CSNK2A2IP: variants seen among roughly 807,000 people sequenced by gnomAD.
The protein encoded by CSNK2A2IP is casein kinase 2 subunit alpha' interacting protein, also known as casein kinase II subunit alpha'-interacting protein.
chr3:88,353,159 C>A, the CSNK2A2IP span, among the ~76,000 whole-genome samples: 20 of 152,214 alleles, frequency 1.3e-4, no homozygotes, highest in Middle Eastern at 3.4e-3. Context: ...TTCAACTCCC[C>A]CAACTTCCCC....
the CSNK2A2IP span, among the ~76,000 whole-genome samples, chr3:88,362,760 C>G: frequency 6.6e-6 from 1 of 152,292 alleles, no homozygotes; most frequent in South Asian, 2.1e-4. Flanking sequence ...TGTTCAGGAG[C>G]AAAGGCCTGG....
chr3:88,358,782 G>A, the CSNK2A2IP span, among the ~76,000 whole-genome samples: 1 of 152,052 alleles, frequency 6.6e-6, no homozygotes, highest in South Asian at 2.1e-4. Context: ...CAGAAATACT[G>A]GCCAGCAGTT....
At chr3:88,377,949 A>T in the CSNK2A2IP span, among the ~76,000 whole-genome samples, 1 of 151,936 alleles carries the variant, frequency 6.6e-6, no homozygotes, top group Non-Finnish European at 1.5e-5. Context: ...GATATAACAG[A>T]TTTTATGTGC....
the CSNK2A2IP span, among the ~76,000 whole-genome samples, chr3:88,429,577 T>C: frequency 1.1e-4 from 6 of 55,454 alleles, no homozygotes; most frequent in Non-Finnish European, 3.2e-4. Flanking sequence ...TAGCTGGCTC[T>C]CTGAACGAGG....
the CSNK2A2IP span, among the ~76,000 whole-genome samples, chr3:88,401,518 C>G: frequency 2.6e-5 from 4 of 151,944 alleles, no homozygotes; most frequent in Non-Finnish European, 5.9e-5. Flanking sequence ...CTAAGATACC[C>G]CTTGCAGAAA....
At chr3:88,340,539 C>G in the CSNK2A2IP span, among the ~76,000 whole-genome samples, 4 of 151,920 alleles carry the variant, frequency 2.6e-5, no homozygotes, top group Non-Finnish European at 5.9e-5. Flanking sequence ...TCATTGTGTT[C>G]TTCTAAGATA....
At chr3:88,362,290 C>A in the CSNK2A2IP span, among the ~76,000 whole-genome samples, 1 of 152,142 alleles carries the variant, frequency 6.6e-6, no homozygotes, top group Non-Finnish European at 1.5e-5. Flanking sequence ...ATTACCTAAA[C>A]CCTTGCTCAC....
the CSNK2A2IP span, among the ~76,000 whole-genome samples, chr3:88,437,095 C>T: frequency 6.6e-6 from 1 of 152,048 alleles, no homozygotes; most frequent in Non-Finnish European, 1.5e-5. Flanking sequence ...CTATTAATTA[C>T]AGAAAAAAAT....
chr3:88,369,347 C>T, the CSNK2A2IP span, among the ~76,000 whole-genome samples: 4 of 151,572 alleles, frequency 2.6e-5, no homozygotes, highest in Non-Finnish European at 5.9e-5. Context: ...GTGACAAATT[C>T]AGACTATTTT....
the CSNK2A2IP span, among the ~76,000 whole-genome samples, chr3:88,370,610 CTCTTTCTTTCTT>C: frequency 4.7e-5 from 7 of 148,034 alleles, no homozygotes; most frequent in South Asian, 1.5e-3. Flanking sequence ...CTCTCTCTCT[CTCTTTCTTTCTT>C]TCTTTCTTTC....
chr3:88,414,160 G>A, the CSNK2A2IP span, among the ~76,000 whole-genome samples: 39 of 142,148 alleles, frequency 2.7e-4, no homozygotes, highest in Admixed American at 6.4e-4. Context: ...CTTTACAAAC[G>A]TTATTTGTAA....
chr3:88,449,707 C>T, the CSNK2A2IP span, among the ~76,000 whole-genome samples: 2 of 148,490 alleles, frequency 1.3e-5, no homozygotes, highest in African/African-American at 5.0e-5. Flanking sequence ...ATGAAATCAA[C>T]CACACTCCAC....
the CSNK2A2IP span, among the ~76,000 whole-genome samples, chr3:88,370,108 GA>G: frequency 0.012 from 1,789 of 151,890 alleles, 32 homozygotes; most frequent in African/African-American, 0.041. Context: ...GCAATCCTAT[GA>G]AGAAGAAAGG....
the CSNK2A2IP span, among the ~76,000 whole-genome samples, chr3:88,346,520 T>C: frequency 2.0e-5 from 3 of 151,974 alleles, no homozygotes; most frequent in Admixed American, 1.3e-4. Flanking sequence ...TCAAAAATTG[T>C]AGAGCCCTTA....
At chr3:88,382,908 A>C in the CSNK2A2IP span, 1 of 152,214 alleles carries the variant, frequency 6.6e-6, no homozygotes, top group African/African-American at 2.4e-5. Context: ...TCTGAGCTTC[A>C]ATTTTCTATT....
chr3:88,371,298 AAAGATAGAAGGGAAAT>A, the CSNK2A2IP span, among the ~76,000 whole-genome samples: 2 of 151,884 alleles, frequency 1.3e-5, no homozygotes, highest in African/African-American at 4.8e-5. Flanking sequence ...AAATACGTTC[AAAGATAGAAGGGAAAT>A]GAGTTATTGC....
At chr3:88,369,942 A>G in the CSNK2A2IP span, among the ~76,000 whole-genome samples, 1 of 151,924 alleles carries the variant, frequency 6.6e-6, no homozygotes, top group Non-Finnish European at 1.5e-5. Flanking sequence ...ACTCCTAAAC[A>G]AAACAGACAA....
chr3:88,440,428 G>A, the CSNK2A2IP span, among the ~76,000 whole-genome samples: 1 of 152,042 alleles, frequency 6.6e-6, no homozygotes, highest in South Asian at 2.1e-4. Flanking sequence ...GAGTTGTGTG[G>A]GAAAGGCTTT....
the CSNK2A2IP span, among the ~76,000 whole-genome samples, chr3:88,423,747 T>C: frequency 2.6e-5 from 4 of 152,156 alleles, no homozygotes; most frequent in African/African-American, 9.7e-5. Flanking sequence ...GGTGGCAGTT[T>C]AGATAGAAGG....
Sources: allele counts gnomAD v4.1 joint callset (sites outside exome capture counted in the v4.1 genomes callset), GRCh38; gene constraint gnomAD v4.1.1; transcripts MANE v1.5; gene names NCBI Gene and HGNC (gene_info 2026-07-23, HGNC 2026-07-21).